Variants in PITPNM2 observed in about 807,000 individuals in gnomAD.
PITPNM2 encodes phosphatidylinositol transfer protein membrane associated 2, also known as membrane-associated phosphatidylinositol transfer protein 2.
PITPNM2 carries 35 observed loss-of-function variants against 132.2 expected under a neutral mutation model. That is an observed-to-expected ratio of 0.26 (90% confidence interval 0.20 to 0.35). PITPNM2 has a LOEUF of 0.35. PITPNM2 is among the 10% of genes least tolerant of loss of function. PITPNM2 has a pLI of 1.00. For synonymous variants in PITPNM2, 738 were observed against 799.2 expected (o/e 0.92, Z 1.29); for missense variants, 1,332 against 1,912.0 (o/e 0.70, Z 5.66).
At chr12:123,041,390 G>A (rs746550368) in intron 2 of PITPNM2, among the ~76,000 whole-genome samples, 5 of 152,126 alleles carry the variant, frequency 3.3e-5, no homozygotes, top group African/African-American at 4.8e-5. Context: ...TGAAGGAGGA[G>A]CAGCCCTGCT....
intron 1 of PITPNM2, among the ~76,000 whole-genome samples, chr12:123,122,367 C>T (rs1262080491): frequency 6.6e-6 from 1 of 152,140 alleles, no homozygotes; most frequent in Non-Finnish European, 1.5e-5. Flanking sequence ...GAGGCTGAGG[C>T]AGGAGAATCG....
chr12:123,057,056 G>C (rs774532917), intron 2 of PITPNM2, among the ~76,000 whole-genome samples: 2 of 152,082 alleles, frequency 1.3e-5, no homozygotes, highest in Non-Finnish European at 2.9e-5. Context: ...CCTAACCGGG[G>C]AGCATATCTT....
intron 3 of PITPNM2, among the ~76,000 whole-genome samples, chr12:123,028,033 A>T (rs56020503): frequency 2.6e-5 from 4 of 152,180 alleles, no homozygotes. Flanking sequence ...AGACAGCGGC[A>T]GTTGGACAGC....
chr12:123,051,024 C>T lies in PITPNM2; in HGVS notation c.-95-16339G>A, dbSNP rs2040838939. On this transcript the variant is annotated intron_variant, in intron 2 of 25. Coordinates refer to ENST00000320201, the MANE Select transcript of PITPNM2 (RefSeq NM_020845.3). ...CTCCAAGCGATGCCATTCTCATGTA[C>T]TACAATATGAATGACACTCCCTTGA... is the stretch of plus-strand genomic sequence containing the variant. Among the ~76,000 whole-genome samples, 3 of 152,180 alleles carry T rather than the reference C, an allele frequency of 2.0e-5. No individual in the cohort carries two copies. In the South Asian group the frequency reaches 6.2e-4, roughly 31 times the overall value.
intron 2 of PITPNM2, among the ~76,000 whole-genome samples, chr12:123,065,553 T>C (rs2041383999): frequency 6.6e-6 from 1 of 152,238 alleles, no homozygotes; most frequent in Admixed American, 6.5e-5. Flanking sequence ...CAGCAGATTA[T>C]GTCTTTTTGA....
chr12:123,113,766 T>C (rs2042885647), intron 1 of PITPNM2, among the ~76,000 whole-genome samples: 1 of 152,072 alleles, frequency 6.6e-6, no homozygotes, highest in Non-Finnish European at 1.5e-5. Context: ...ACTTACAATG[T>C]TGTACAACCA....
At position 123,111,143 on chromosome 12, in the gene PITPNM2, C is replaced by T. The variant is rs903917295; in HGVS notation, c.-199-655G>A. On this transcript the variant is annotated intron_variant, in intron 1 of 25. Coordinates refer to ENST00000320201, the MANE Select transcript of PITPNM2 (RefSeq NM_020845.3). This position sits in a 1 kb window ranked among gnomAD's most constrained non-coding sequence, Gnocchi z 4.1. The stretch of plus-strand genomic sequence containing the variant: ...AGAGATGACAAAGTCTTCACAGGTA[C>T]CACTGAAGCCACTACCCAACCCAGG... Among the ~76,000 whole-genome samples the T allele has an allele frequency of 2.0e-5, 3 of 152,222 alleles. No homozygotes were observed. Among genetic ancestry groups the T allele is most frequent in the Admixed American group, 6.5e-5 (1 of 15,280 alleles).
rs368701607 is a variant in PITPNM2, at chr12:123,000,901, G to T, written c.1154-53C>A. Reference sequence around the variant, plus strand: ...AGCTGAGGGGCAGCCCAACCTGGCCGACCGGACAGAGGCTGCAACTGTGAC... The same window carrying T: ...AGCTGAGGGGCAGCCCAACCTGGCCTACCGGACAGAGGCTGCAACTGTGAC... On this transcript the variant is annotated intron_variant, in intron 9 of 25. Transcript: ENST00000320201. This position sits in a 1 kb window ranked among gnomAD's most constrained non-coding sequence, Gnocchi z 5.4. The T allele has an allele frequency of 8.7e-6, 14 of 1,601,568 alleles. No individual in the cohort carries two copies. Among genetic ancestry groups the T allele is most frequent in the African/African-American group, 1.3e-5 (1 of 74,640 alleles).
intron 2 of PITPNM2, among the ~76,000 whole-genome samples, chr12:123,062,223 C>T (rs1015387120): frequency 2.0e-5 from 3 of 152,118 alleles, no homozygotes; most frequent in African/African-American, 7.2e-5. Flanking sequence ...TGGGGTCCAG[C>T]GCCTGCACTT....
chr12:123,001,090 C>T lies in PITPNM2; in HGVS notation c.1117G>A (p.Asp373Asn). 1 of 1,614,236 alleles carries T rather than the reference C, an allele frequency of 6.2e-7. No individual in the cohort carries two copies. Among genetic ancestry groups the T allele is most frequent in the Non-Finnish European group, 8.5e-7 (1 of 1,180,048 alleles). ...TCCGGCTCTGGGCTCTCGATCTTGT[C>T]CATGAGGTCATTGGAGCTCCACTTG... ...ITKWSSNDLMDKIESPEPEDT... is the reference protein window; with the variant it reads ...ITKWSSNDLMNKIESPEPEDT... Residue 373 changes from aspartate (D) to asparagine (N), a missense_variant, in exon 9 of 26, where the codon GAC becomes AAC. Asp to Asn is a conservative substitution (Grantham distance 23, BLOSUM62 1). Transcript: ENST00000320201.
intron 1 of PITPNM2, among the ~76,000 whole-genome samples, chr12:123,129,346 A>C (rs1206650049): frequency 1.3e-5 from 2 of 152,046 alleles, no homozygotes; most frequent in East Asian, 3.9e-4. Context: ...AGGCGGGCGG[A>C]TCACGAGGTC....
rs753167535 is a variant in PITPNM2 at position 122,990,652 on chromosome 12, G to A, written c.2462C>T (p.Pro821Leu). Residue 821 changes from proline (P) to leucine (L), a missense_variant, in exon 17 of 26, where the codon CCG (proline) becomes CTG (leucine). This residue lies in a region of PITPNM2 where 710 missense variants were observed against 911.5 expected (regional missense o/e 0.78). Coordinates refer to ENST00000320201, the MANE Select transcript of PITPNM2 (RefSeq NM_020845.3). ...GCCACGACTGGCAGGGGCAGTGCCC[G>A]GCGAGGAGGGGGCGCCATGCTCTTG... Reference protein sequence around the residue: ...AFQEHGAPSSPGTAPASRGFR... With the variant: ...AFQEHGAPSSLGTAPASRGFR... 3.0e-5 allele frequency: 49 copies of A among 1,611,766 alleles called. No homozygotes were observed. Among genetic ancestry groups the A allele is most frequent in the Non-Finnish European group, 3.7e-5 (44 of 1,179,950 alleles).
chr12:123,110,008 A>G (rs947764774), intron 2 of PITPNM2, among the ~76,000 whole-genome samples: 1 of 152,206 alleles, frequency 6.6e-6, no homozygotes, highest in African/African-American at 2.4e-5. Context: ...CTCAGGCTGG[A>G]GTGAAGTAGT....
chr12:122,986,075 G>T lies in PITPNM2; in HGVS notation c.4002C>A (p.Arg1334=). ...CCGGCTCCAGGCGGCCAGTCATGGC[G>T]CGGCCCCAGCAGCCGGCCGCCACAC... The part of the protein sequence containing the change: ...SMSVAAGCWG[R]AMTGRLEPGA... Residue 1334 remains arginine, a synonymous_variant, in exon 26 of 26, where the codon CGC becomes CGA. Transcript: ENST00000320201. 2 of 1,432,646 alleles carry T rather than the reference G, an allele frequency of 1.4e-6. No individual in the cohort carries two copies. The highest frequency in any genetic ancestry group is 1.8e-6 in the Non-Finnish European group (2 of 1,104,018). 88.7% of individuals were successfully genotyped at this position (1,432,646 alleles called of 1,614,324 possible).
chr12:123,038,477 A>G (rs2040353345), intron 2 of PITPNM2, among the ~76,000 whole-genome samples: 1 of 152,196 alleles, frequency 6.6e-6, no homozygotes, highest in African/African-American at 2.4e-5. Context: ...GGATAATACT[A>G]TCTGACTTCT....
intron 2 of PITPNM2, chr12:123,089,765 G>A (rs1170730939): frequency 6.6e-6 from 1 of 152,136 alleles, no homozygotes; most frequent in African/African-American, 2.4e-5. Context: ...TCAAACTCAG[G>A]TCAAAATTCC....
rs1244781533 is a variant in PITPNM2 at position 123,005,949 on chromosome 12, T to A, written c.644-401A>T. 24 of 155,222 alleles carry A rather than the reference T, an allele frequency of 1.5e-4. No individual in the cohort carries two copies. Among genetic ancestry groups the A allele is most frequent in the Non-Finnish European group, 2.2e-4 (16 of 72,276 alleles). 9.6% of individuals were successfully genotyped at this position (155,222 alleles called of 1,614,324 possible). On this transcript the variant is annotated intron_variant, in intron 6 of 25. Transcript: ENST00000320201. The surrounding 1 kb of genome is among the most constrained non-coding windows in gnomAD (Gnocchi z 6.2). ...CCTGTCTCTATAAAAAAAAAAAAAATTAAAAAAAAAAATTAGCTGAGCATG... is the reference window on the plus strand; with the variant it reads ...CCTGTCTCTATAAAAAAAAAAAAAAATAAAAAAAAAAATTAGCTGAGCATG...
chr12:123,114,480 G>A (rs542087073), intron 1 of PITPNM2, among the ~76,000 whole-genome samples: 11 of 149,284 alleles, frequency 7.4e-5, no homozygotes, highest in South Asian at 4.4e-4. Flanking sequence ...AGATCAGGCC[G>A]GAATCAGGCT....
intron 1 of PITPNM2, among the ~76,000 whole-genome samples, chr12:123,119,098 C>T (rs2042985222): frequency 6.6e-6 from 1 of 152,160 alleles, no homozygotes; most frequent in South Asian, 2.1e-4. Context: ...TAACTATTCC[C>T]TTTACCAAGG....
Sources: allele counts gnomAD v4.1 joint callset (sites outside exome capture counted in the v4.1 genomes callset), GRCh38; gene constraint gnomAD v4.1.1; regional missense constraint gnomAD v4.1.1; non-coding constraint Gnocchi (gnomAD v3.1); transcripts MANE v1.5; gene names NCBI Gene and HGNC (gene_info 2026-07-23, HGNC 2026-07-21).